PRICKLE1: variants seen among roughly 807,000 people sequenced by gnomAD.
PRICKLE1 encodes the protein prickle planar cell polarity protein 1.
In PRICKLE1, 14 loss-of-function variants were observed where a neutral mutation model predicts 70.2. That is an observed-to-expected ratio of 0.20 (90% CI 0.13 to 0.31). PRICKLE1 has a LOEUF of 0.31. Among genes scored for constraint, PRICKLE1 ranks in the 10% least tolerant of loss-of-function variants. PRICKLE1 has a pLI of 1.00. For synonymous variants in PRICKLE1, 357 were observed against 379.9 expected (o/e 0.94, Z 0.70); for missense variants, 821 against 1,026.2 (o/e 0.80, Z 2.73).
chr12:42,480,559 C>T (rs1938757109), intron 1 of PRICKLE1, among the ~76,000 whole-genome samples: 1 of 152,322 alleles, frequency 6.6e-6, no homozygotes, highest in South Asian at 2.1e-4. Flanking sequence ...TTTATTATTT[C>T]GTTATGCTAT....
At chr12:42,494,807 T>TAA (rs762488511) in intron 1 of PRICKLE1, among the ~76,000 whole-genome samples, 7 of 90,512 alleles carry the variant, frequency 7.7e-5, no homozygotes, top group African/African-American at 2.1e-4. Flanking sequence ...ACTCTGTCTC[T>TAA]AAAAAAAAAA....
At chr12:42,474,101 G>A (rs898407106) in intron 1 of PRICKLE1, among the ~76,000 whole-genome samples, 2 of 151,934 alleles carry the variant, frequency 1.3e-5, no homozygotes, top group Admixed American at 1.3e-4. Flanking sequence ...GTGAAACCCC[G>A]TCTCTACTAA....
rs1555230725 is a variant in PRICKLE1, at chr12:42,469,558, C to T, written c.276G>A (p.Glu92=). Residue 92 remains glutamate (E), a synonymous_variant, in exon 4 of 8, where the codon GAG becomes GAA. Coordinates refer to ENST00000345127, the MANE Select transcript of PRICKLE1 (RefSeq NM_153026.3). ...EVRYCQSLSE[E]EKKELQVFSA... ...TGAACACCTGCAACTCTTTTTTCTC[C>T]TCTTCACTCAAAGACTGGCAATACC... 1 of 1,614,040 alleles carries T rather than the reference C, an allele frequency of 6.2e-7. No homozygotes were observed. Among genetic ancestry groups the T allele is most frequent in the African/African-American group, 1.3e-5 (1 of 74,908 alleles).
At chr12:42,576,504 T>G (rs1292276037) in intron 1 of PRICKLE1, among the ~76,000 whole-genome samples, 1 of 152,232 alleles carries the variant, frequency 6.6e-6, no homozygotes. Flanking sequence ...AGAAATGAAA[T>G]GCCTTCCTGC....
chr12:42,556,290 G>A lies in PRICKLE1; in HGVS notation c.-49+33175C>T, dbSNP rs368669944. 2.0e-5 allele frequency among the ~76,000 whole-genome samples: 3 copies of A among 152,274 alleles called. 1 individual carries two copies. The highest frequency in any genetic ancestry group is 7.2e-5 in the African/African-American group (3 of 41,556). ...ATGTTTGTGAGGCCAGCAAGACCCT[G>A]GAAGACCTGGCTCCTCCCCTTTGCC... On this transcript the variant is annotated intron_variant, in intron 1 of 7. Transcript: ENST00000345127.
In PRICKLE1 at chr12:42,468,324, T is replaced by G. The variant is rs537195189; in HGVS notation, c.588+302A>C. Among the ~76,000 whole-genome samples the G allele has an allele frequency of 1.2e-4, 18 of 152,328 alleles. No homozygotes were observed. The South Asian group carries it at 3.1e-3, about 26-fold the overall frequency. On this transcript the variant is annotated intron_variant, in intron 5 of 7. Coordinates refer to ENST00000345127, the MANE Select transcript of PRICKLE1 (RefSeq NM_153026.3). The stretch of plus-strand genomic sequence containing the variant: ...ATCTACTACATGCTCTTCTGCAGCT[T>G]GTATTTTCTCACAACCCACTGAAGA...
intron 1 of PRICKLE1, among the ~76,000 whole-genome samples, chr12:42,545,595 T>A (rs534544485): frequency 6.6e-6 from 1 of 151,432 alleles, no homozygotes; most frequent in South Asian, 2.2e-4. Flanking sequence ...ACGCCTGTAA[T>A]CCCAACACTT....
intron 1 of PRICKLE1, among the ~76,000 whole-genome samples, chr12:42,543,625 C>T (rs571453218): frequency 4.9e-4 from 75 of 152,232 alleles, no homozygotes; most frequent in African/African-American, 1.7e-3. Flanking sequence ...TGGGTTCACG[C>T]CATTCTCCTC....
intron 1 of PRICKLE1, among the ~76,000 whole-genome samples, chr12:42,539,458 ACT>A (rs1940070249): frequency 6.7e-6 from 1 of 148,436 alleles, no homozygotes; most frequent in Non-Finnish European, 1.5e-5. Context: ...ACAGAGCGAG[ACT>A]CTGTCTCAAA....
intron 1 of PRICKLE1, among the ~76,000 whole-genome samples, chr12:42,476,874 T>C (rs1938559496): frequency 6.7e-6 from 1 of 150,104 alleles, no homozygotes; most frequent in South Asian, 2.1e-4. Context: ...GGTCTCAAAC[T>C]CCTGGACTCA....
intron 1 of PRICKLE1, among the ~76,000 whole-genome samples, chr12:42,502,644 TCTC>T (rs1262709157): frequency 2.0e-5 from 3 of 152,186 alleles, no homozygotes; most frequent in African/African-American, 7.2e-5. Flanking sequence ...TTTATTCTCT[TCTC>T]CTTTCTACTT....
At chr12:42,497,114 C>T (rs1016451278) in intron 1 of PRICKLE1, among the ~76,000 whole-genome samples, 3 of 152,148 alleles carry the variant, frequency 2.0e-5, no homozygotes, top group African/African-American at 7.2e-5. Context: ...CTCTTCCTTT[C>T]ACTTGAACAC....
At chr12:42,544,354 C>A (rs1301729680) in intron 1 of PRICKLE1, among the ~76,000 whole-genome samples, 1 of 152,168 alleles carries the variant, frequency 6.6e-6, no homozygotes, top group African/African-American at 2.4e-5. Flanking sequence ...TCTGTCAATG[C>A]ACTATTCCTC....
intron 5 of PRICKLE1, among the ~76,000 whole-genome samples, chr12:42,467,761 A>G (rs1938159692): frequency 1.3e-5 from 2 of 152,222 alleles, no homozygotes; most frequent in Admixed American, 1.3e-4. Flanking sequence ...AATAAATCAA[A>G]ACAAAACAAA....
intron 1 of PRICKLE1, among the ~76,000 whole-genome samples, chr12:42,532,925 C>A (rs1320128921): frequency 6.6e-6 from 1 of 150,898 alleles, no homozygotes; most frequent in Non-Finnish European, 1.5e-5. Context: ...TGTTTGGAAT[C>A]TGGTGTGTTT....
intron 1 of PRICKLE1, among the ~76,000 whole-genome samples, chr12:42,518,801 A>G (rs1939655475): frequency 6.6e-6 from 1 of 152,222 alleles, no homozygotes; most frequent in Non-Finnish European, 1.5e-5. Context: ...TACAGCTTAT[A>G]TTTCTCAAAA....
chr12:42,577,328 C>CT (rs1286239042), intron 1 of PRICKLE1, among the ~76,000 whole-genome samples: 2 of 151,690 alleles, frequency 1.3e-5, no homozygotes, highest in Admixed American at 1.3e-4. Context: ...ACATTGAACT[C>CT]TAAGGTAAAC....
intron 1 of PRICKLE1, among the ~76,000 whole-genome samples, chr12:42,572,126 G>A (rs999075170): frequency 1.3e-5 from 2 of 152,172 alleles, no homozygotes; most frequent in Admixed American, 6.6e-5. Context: ...TTTAAGCACA[G>A]GAACATTGTT....
chr12:42,549,999 C>T (rs1408051961), intron 1 of PRICKLE1, among the ~76,000 whole-genome samples: 1 of 152,234 alleles, frequency 6.6e-6, no homozygotes, highest in East Asian at 1.9e-4. Flanking sequence ...AGCATCTCTG[C>T]TCTGATTCTT....
Sources: allele counts gnomAD v4.1 joint callset (sites outside exome capture counted in the v4.1 genomes callset), GRCh38; gene constraint gnomAD v4.1.1; transcripts MANE v1.5; gene names NCBI Gene and HGNC (gene_info 2026-07-23, HGNC 2026-07-21).